The following ANO1 variants were observed in gnomAD, a reference collection of about 807,000 sequenced individuals.
ANO1 encodes anoctamin 1.
ANO1 carries 59 observed loss-of-function variants against 124.0 expected under a neutral mutation model. The observed-to-expected ratio is 0.48, with a 90% CI of 0.39 to 0.59. The LOEUF is 0.59. Ranked by LOEUF, ANO1 falls within the 20% of genes least tolerant of loss-of-function variation. The probability of loss-of-function intolerance (pLI) is 0.00; values close to 1 mark genes in which losing one functional copy is unlikely to be tolerated. For synonymous variants in ANO1, 529 were observed against 532.0 expected (o/e 0.99, Z 0.08); for missense variants, 1,059 against 1,328.0 (o/e 0.80, Z 3.15).
chr11:70,122,219 C>A, intron 8 of ANO1, among the ~76,000 whole-genome samples: 1 of 104,690 alleles, frequency 9.6e-6, no homozygotes, highest in Non-Finnish European at 2.0e-5. Flanking sequence ...CTGTCTCTGT[C>A]TCTCTCTCCA....
At chr11:70,010,924 A>G (rs530519828) in intron 1 of ANO1, among the ~76,000 whole-genome samples, 1 of 152,336 alleles carries the variant, frequency 6.6e-6, no homozygotes, top group East Asian at 1.9e-4. Context: ...CTCCACAACC[A>G]TGTGTGCTCC....
Position 70,179,293 on chromosome 11 carries a change from G to C in ANO1, c.2351-711G>C, listed in dbSNP as rs183448921. Among the ~76,000 whole-genome samples the C allele has an allele frequency of 2.6e-3, 403 of 152,328 alleles. 1 individual carries two copies. Among genetic ancestry groups the C allele is most frequent in the African/African-American group, 9.4e-3 (392 of 41,578 alleles). ...ATAGGGTGCAGTTAGGGTGAGGCGGGGGTCAGCCCGGGACACTGGACCATT... is the reference window on the plus strand; with the variant it reads ...ATAGGGTGCAGTTAGGGTGAGGCGGCGGTCAGCCCGGGACACTGGACCATT... On this transcript the variant is annotated intron_variant, in intron 22 of 25. Transcript: ENST00000355303.
At chr11:70,007,697 A>G (rs1856520733) in intron 1 of ANO1, among the ~76,000 whole-genome samples, 1 of 152,188 alleles carries the variant, frequency 6.6e-6, no homozygotes, top group African/African-American at 2.4e-5. Flanking sequence ...GGCTATTTCC[A>G]ATAACGCTGC....
chr11:70,184,839 C>T (rs886662485), intron 24 of ANO1, among the ~76,000 whole-genome samples: 4 of 152,178 alleles, frequency 2.6e-5, no homozygotes, highest in East Asian at 1.9e-4. Context: ...CTCAACCTCC[C>T]GGGCTCAGGT....
the ANO1 span, among the ~76,000 whole-genome samples, chr11:69,978,008 G>A: frequency 1.3e-5 from 2 of 152,202 alleles, no homozygotes; most frequent in South Asian, 4.1e-4. Context: ...GAGGGTTTCT[G>A]AGAGCAGAGG....
chr11:70,016,623 G>C (rs572915842), intron 1 of ANO1, among the ~76,000 whole-genome samples: 1 of 152,222 alleles, frequency 6.6e-6, no homozygotes, highest in East Asian at 1.9e-4. Flanking sequence ...AGGCTTGGGA[G>C]CTCCTGGGAG....
intron 19 of ANO1, 129 bp from the exon 20 acceptor site, chr11:70,165,341 A>T (rs2048212401): frequency 2.7e-6 from 2 of 743,836 alleles, no homozygotes; most frequent in Admixed American, 4.9e-5. Flanking sequence ...GGTGGCGGGG[A>T]TTAGAACCTG....
chr11:70,010,158 T>TGTGTGC (rs1555000787), intron 1 of ANO1, among the ~76,000 whole-genome samples: 6 of 62,650 alleles, frequency 9.6e-5, no homozygotes, highest in South Asian at 2.3e-3. Flanking sequence ...TGTGTGTGTG[T>TGTGTGC]GTGTGTGCGC....
chr11:70,086,778 C>T (rs555927657), intron 1 of ANO1, among the ~76,000 whole-genome samples: 1 of 152,218 alleles, frequency 6.6e-6, no homozygotes, highest in African/African-American at 2.4e-5. Flanking sequence ...TAGCGGTGGC[C>T]GCTCCTTAAC....
intron 1 of ANO1, among the ~76,000 whole-genome samples, chr11:70,027,111 G>A (rs577470827): frequency 2.0e-4 from 30 of 152,220 alleles, no homozygotes; most frequent in African/African-American, 5.8e-4. Flanking sequence ...TGCCTGCTTC[G>A]TCTCTCTTCA....
the ANO1 span, among the ~76,000 whole-genome samples, chr11:69,968,554 G>A: frequency 6.6e-6 from 1 of 152,102 alleles, no homozygotes; most frequent in Non-Finnish European, 1.5e-5. Context: ...TGACTCCGGC[G>A]TGCTGCCAAA....
At chr11:70,110,481 G>A (rs542892822) in intron 6 of ANO1, among the ~76,000 whole-genome samples, 10 of 151,992 alleles carry the variant, frequency 6.6e-5, no homozygotes, top group Non-Finnish European at 1.0e-4. Flanking sequence ...CCACTGTGCC[G>A]GGCCCCCATG....
intron 1 of ANO1, among the ~76,000 whole-genome samples, chr11:70,006,949 G>A (rs1468710245): frequency 5.3e-5 from 8 of 151,684 alleles, no homozygotes; most frequent in African/African-American, 1.9e-4. Context: ...GGATGACGGG[G>A]GTGAGCCATC....
At chr11:70,135,017 T>C (rs2135541330) in intron 11 of ANO1, among the ~76,000 whole-genome samples, 1 of 152,270 alleles carries the variant, frequency 6.6e-6, no homozygotes, top group Non-Finnish European at 1.5e-5. Context: ...TTTCCTGTCT[T>C]ATGCTCGAGT....
At chr11:70,032,977 G>A (rs782371441) in intron 1 of ANO1, among the ~76,000 whole-genome samples, 1 of 152,184 alleles carries the variant, frequency 6.6e-6, no homozygotes, top group African/African-American at 2.4e-5. Context: ...CTCCCTGGGT[G>A]AGGACCAGGC....
intron 2 of ANO1, 91 bp downstream of exon 2, chr11:70,088,175 T>A (rs2044468938): frequency 5.6e-6 from 5 of 900,200 alleles, no homozygotes; most frequent in Non-Finnish European, 7.9e-6. Context: ...AGTCAGAGGG[T>A]GCGAGGCTGG....
chr11:70,043,572 G>A (rs1857213041), intron 1 of ANO1, among the ~76,000 whole-genome samples: 1 of 152,100 alleles, frequency 6.6e-6, no homozygotes, highest in South Asian at 2.1e-4. Context: ...AAAATATTAA[G>A]AGCAGTCAGA....
chr11:70,009,729 T>C (rs990495263), intron 1 of ANO1, among the ~76,000 whole-genome samples: 3 of 152,164 alleles, frequency 2.0e-5, no homozygotes, highest in Admixed American at 6.5e-5. Flanking sequence ...CCTGTGCAGA[T>C]AAATATGAGA....
chr11:70,056,770 A>T (rs186874631), intron 1 of ANO1, among the ~76,000 whole-genome samples: 6 of 149,526 alleles, frequency 4.0e-5, no homozygotes, highest in Non-Finnish European at 8.9e-5. Flanking sequence ...CCAACTGCAC[A>T]TAGGTTAGGT....
Sources: gnomAD v4.1 joint callset for allele counts (sites outside exome capture counted in the v4.1 genomes callset) on GRCh38, gnomAD v4.1.1 for gene constraint, MANE v1.5 for transcripts, NCBI Gene and HGNC (gene_info 2026-07-23, HGNC 2026-07-21) for gene names.